Variants in ARHGAP8 observed in about 807,000 individuals in gnomAD.
ARHGAP8 encodes Rho GTPase activating protein 8, also known as rho GTPase-activating protein 8.
ARHGAP8 carries 62 observed loss-of-function variants against 46.1 expected under a neutral mutation model. That is an observed-to-expected ratio of 1.34 (90% CI 1.10 to 1.66). The LOEUF is 1.66. Ranked by LOEUF, ARHGAP8 falls within the 40% of genes most tolerant of loss-of-function variation. The pLI is 0.00. For missense variants in ARHGAP8, 923 were observed against 568.4 expected, an observed-to-expected ratio of 1.62 and a Z score of -6.34; for synonymous variants, 375 against 243.1, an observed-to-expected ratio of 1.54 and a Z score of -5.05.
intron 10 of ARHGAP8, among the ~76,000 whole-genome samples, chr22:44,858,819 T>C (rs1171310530): frequency 1.3e-5 from 2 of 150,970 alleles, no homozygotes; most frequent in Admixed American, 6.6e-5. Flanking sequence ...GTGTGGGCGA[T>C]TTGTGGTGCT....
chr22:44,860,644 C>G (rs965984609), intron 11 of ARHGAP8, among the ~76,000 whole-genome samples: 6 of 148,052 alleles, frequency 4.1e-5, no homozygotes, highest in Admixed American at 6.8e-5. Context: ...CTACTACACA[C>G]CAGGCTAAGC....
intron 10 of ARHGAP8, 46 bp from the exon 11 acceptor site, chr22:44,859,684 GC>G: frequency 6.2e-7 from 1 of 1,601,084 alleles, no homozygotes. Flanking sequence ...ATGCAGCGCT[GC>G]CCCTGGCCCC....
chr22:44,858,934 G>C (rs1461090917), intron 10 of ARHGAP8, among the ~76,000 whole-genome samples: 1 of 151,776 alleles, frequency 6.6e-6, no homozygotes, highest in Non-Finnish European at 1.5e-5. Context: ...AGTCTCTGTT[G>C]CAACTACTCA....
intron 11 of ARHGAP8, among the ~76,000 whole-genome samples, chr22:44,861,917 C>T (rs1424601650): frequency 1.3e-5 from 2 of 152,086 alleles, no homozygotes; most frequent in African/African-American, 4.8e-5. Flanking sequence ...TCGCCACTCA[C>T]AGAGCCGAGG....
Position 44,841,126 on chromosome 22 carries a change from C to T in ARHGAP8, c.597-4143C>T, listed in dbSNP as rs571849081. Among the ~76,000 whole-genome samples, 21 of 152,256 alleles carry T rather than the reference C, an allele frequency of 1.4e-4. 1 individual carries two copies. In the South Asian group the frequency reaches 3.9e-3, roughly 29 times the overall value. ...GCCTGCCTGGCAGGGTGGAATCTGC[C>T]GTGGCCCTCGTAGGGAACGGGGGAG... On this transcript the variant is annotated intron_variant, in intron 7 of 11. Transcript: ENST00000356099.
At chr22:44,775,224 T>G (rs973409898) in intron 1 of ARHGAP8, among the ~76,000 whole-genome samples, 2 of 152,192 alleles carry the variant, frequency 1.3e-5, no homozygotes, top group African/African-American at 4.8e-5. Flanking sequence ...ACTCTGAATT[T>G]TTCATACTCA....
At chr22:44,854,424 G>A (rs1472897424) in intron 10 of ARHGAP8, among the ~76,000 whole-genome samples, 2 of 151,586 alleles carry the variant, frequency 1.3e-5, no homozygotes, top group African/African-American at 4.8e-5. Context: ...AGTAGAGACG[G>A]GCTTCACCAT....
intron 7 of ARHGAP8, among the ~76,000 whole-genome samples, chr22:44,828,194 A>T (rs1930670991): frequency 6.6e-6 from 1 of 152,222 alleles, no homozygotes; most frequent in Non-Finnish European, 1.5e-5. Context: ...TTGAAATAGA[A>T]TGTTCACCCC....
chr22:44,767,837 C>A (rs1925692935), intron 1 of ARHGAP8, among the ~76,000 whole-genome samples: 1 of 147,392 alleles, frequency 6.8e-6, no homozygotes, highest in Non-Finnish European at 1.5e-5. Flanking sequence ...CGAGCCACTG[C>A]ACTCCAGCCT....
In ARHGAP8 at chr22:44,848,974, C is replaced by T; in HGVS notation, c.791C>T (p.Pro264Leu). Residue 264 changes from proline to leucine, a missense_variant, in exon 10 of 12, where the codon CCT (proline) becomes CTT (leucine). Physicochemically the swap from Pro to Leu is moderately conservative, Grantham distance 98 (BLOSUM62 -3). Coordinates refer to ENST00000356099, the MANE Select transcript of ARHGAP8 (RefSeq NM_181335.3). ...NFDDYGDIHI[P>L]AVILKTFLRE... is the part of the protein sequence containing the mutation. The stretch of plus-strand genomic sequence containing the variant: ...GACGACTACGGGGACATTCACATCC[C>T]TGCCGTGATCCTGAAGACCTTCCTG... 6.2e-7 allele frequency: 1 copy of T among 1,614,154 alleles called. No homozygotes were observed. The highest frequency in any genetic ancestry group is 1.1e-5 in the South Asian group (1 of 91,084).
At chr22:44,788,463 G>A (rs548122079) in intron 2 of ARHGAP8, among the ~76,000 whole-genome samples, 5 of 152,036 alleles carry the variant, frequency 3.3e-5, no homozygotes, top group African/African-American at 9.6e-5. Context: ...GTTGCGGAGT[G>A]CAGTGGTGCC....
chr22:44,842,188 C>G (rs982452442), intron 7 of ARHGAP8, among the ~76,000 whole-genome samples: 10 of 152,124 alleles, frequency 6.6e-5, no homozygotes, highest in Admixed American at 2.6e-4. Context: ...GAAACCCCGT[C>G]TCTACTAAAA....
chr22:44,805,067 G>A (rs1928838054), intron 3 of ARHGAP8, among the ~76,000 whole-genome samples: 1 of 152,196 alleles, frequency 6.6e-6, no homozygotes, highest in African/African-American at 2.4e-5. Context: ...GTGTTTACCA[G>A]GCACACAGGG....
At chr22:44,848,202 C>A in intron 9 of ARHGAP8, 152 bp downstream of exon 9, 1 of 1,094,096 alleles carries the variant, frequency 9.1e-7, no homozygotes, top group Non-Finnish European at 1.3e-6. Flanking sequence ...CAGGAGGCAT[C>A]GAGGGGCCCA....
intron 1 of ARHGAP8, among the ~76,000 whole-genome samples, chr22:44,764,049 T>C (rs962255125): frequency 1.3e-5 from 2 of 152,076 alleles, no homozygotes; most frequent in African/African-American, 4.8e-5. Context: ...CCTGACCTCA[T>C]GATCCGCCCA....
At chr22:44,837,675 C>G (rs1461695804) in intron 7 of ARHGAP8, among the ~76,000 whole-genome samples, 1 of 152,146 alleles carries the variant, frequency 6.6e-6, no homozygotes, top group Non-Finnish European at 1.5e-5. Context: ...ATTGAACAAG[C>G]CTCTCTCTCC....
intron 10 of ARHGAP8, among the ~76,000 whole-genome samples, chr22:44,851,396 T>A (rs1045777418): frequency 1.4e-3 from 98 of 69,222 alleles, no homozygotes; most frequent in African/African-American, 9.5e-3. Context: ...CTTTTAAATA[T>A]TTATTTATTT....
chr22:44,770,898 C>T (rs1329487841), intron 1 of ARHGAP8, among the ~76,000 whole-genome samples: 1 of 152,180 alleles, frequency 6.6e-6, no homozygotes, highest in Non-Finnish European at 1.5e-5. Flanking sequence ...GGGCTATTAT[C>T]ATTTAAACTG....
chr22:44,827,527 GA>G (rs1247069290), intron 7 of ARHGAP8, among the ~76,000 whole-genome samples: 1 of 151,814 alleles, frequency 6.6e-6, no homozygotes, highest in Non-Finnish European at 1.5e-5. Flanking sequence ...ATTTTTAGTA[GA>G]AACGGGGTTT....
Sources: gnomAD v4.1 joint callset for allele counts (sites outside exome capture counted in the v4.1 genomes callset) on GRCh38, gnomAD v4.1.1 for gene constraint, MANE v1.5 for transcripts, NCBI Gene and HGNC (gene_info 2026-07-23, HGNC 2026-07-21) for gene names.